The following ARF4 variants were observed in gnomAD, a reference collection of about 807,000 sequenced individuals.
ARF4 encodes ARF GTPase 4.
Under a neutral mutation model 24.3 loss-of-function variants are expected in ARF4, and 5 were observed. That is an observed-to-expected ratio of 0.21 (90% CI 0.11 to 0.43). The LOEUF is 0.43. Among genes scored for constraint, ARF4 ranks in the 20% least tolerant of loss-of-function variants. The pLI, the probability that ARF4 is intolerant of heterozygous loss-of-function variation, is 1.00. For synonymous variants in ARF4, 62 were observed against 73.5 expected (o/e 0.84, Z 0.80); for missense variants, 107 against 213.0 (o/e 0.50, Z 3.10).
At chr3:57,584,493 C>G in intron 1 of ARF4, 29 bp from the exon 2 acceptor site, 1 of 1,569,774 alleles carries the variant, frequency 6.4e-7, no homozygotes, top group Non-Finnish European at 8.7e-7. Context: ...GATTTAAAAT[C>G]CAGACCAAAA....
In ARF4 at chr3:57,597,239, G is replaced by A. The variant is rs1395103515; in HGVS notation, c.-99C>T. ...CCCAGGCAAACTAAACGAGAGGGAA[G>A]AGAAAGAGCGGAGGAAGAAAGAGGG... is the stretch of plus-strand genomic sequence containing the variant. On this transcript the variant is annotated 5_prime_UTR_variant, in exon 1 of 6. Coordinates refer to ENST00000303436, the MANE Select transcript of ARF4 (RefSeq NM_001660.4). The A allele has an allele frequency of 1.7e-6, 2 of 1,185,016 alleles. No homozygotes were observed. Among genetic ancestry groups the A allele is most frequent in the South Asian group, 1.3e-5 (1 of 76,324 alleles). 73.4% of individuals were successfully genotyped at this position (1,185,016 alleles called of 1,614,324 possible).
chr3:57,591,598 CT>C (rs1263358021), intron 1 of ARF4, among the ~76,000 whole-genome samples: 1 of 151,944 alleles, frequency 6.6e-6, no homozygotes, highest in African/African-American at 2.4e-5. Flanking sequence ...TCCTGAGTTG[CT>C]GGGACTACAG....
chr3:57,576,674 T>C (rs1451893984), intron 4 of ARF4, among the ~76,000 whole-genome samples: 1 of 152,134 alleles, frequency 6.6e-6, no homozygotes, highest in Non-Finnish European at 1.5e-5. Flanking sequence ...AAATATTTTA[T>C]GGCTACAAGT....
chr3:57,574,713 A>G (rs2069882014), intron 5 of ARF4, among the ~76,000 whole-genome samples: 1 of 152,088 alleles, frequency 6.6e-6, no homozygotes, highest in African/African-American at 2.4e-5. Flanking sequence ...GGTCTCCTCC[A>G]TAAACTGTTA....
At chr3:57,588,578 G>A (rs940113957) in intron 1 of ARF4, among the ~76,000 whole-genome samples, 3 of 148,238 alleles carry the variant, frequency 2.0e-5, no homozygotes, top group Admixed American at 1.4e-4. Flanking sequence ...TGTGAGTGGG[G>A]CACAGTGGCT....
Position 57,583,288 on chromosome 3 carries a change from T to C in ARF4, c.258+610A>G, listed in dbSNP as rs564983851. On this transcript the variant is annotated intron_variant, in intron 3 of 5. Coordinates refer to ENST00000303436, the MANE Select transcript of ARF4 (RefSeq NM_001660.4). ...AAGAAACACTACTGTACCTGGATTA[T>C]ATCCCCTGATATTCTGATTCAAGTC... Among the ~76,000 whole-genome samples, 13 of 152,330 alleles carry C rather than the reference T, an allele frequency of 8.5e-5. No homozygotes were observed. In the East Asian group the frequency reaches 2.5e-3, roughly 29 times the overall value.
At chr3:57,574,337 A>C (rs1353287065) in intron 5 of ARF4, among the ~76,000 whole-genome samples, 1 of 152,048 alleles carries the variant, frequency 6.6e-6, no homozygotes, top group Non-Finnish European at 1.5e-5. Context: ...AGCCTATGAC[A>C]CTAAGTTTCT....
chr3:57,592,890 G>T (rs1028567812), intron 1 of ARF4, among the ~76,000 whole-genome samples: 1 of 152,066 alleles, frequency 6.6e-6, no homozygotes, highest in African/African-American at 2.4e-5. Flanking sequence ...AATTTTAGAG[G>T]AACAAAAACT....
intron 2 of ARF4, 127 bp downstream of exon 2, chr3:57,584,257 C>T (rs545291448): frequency 1.0e-6 from 1 of 977,488 alleles, no homozygotes; most frequent in Non-Finnish European, 1.6e-6. Flanking sequence ...GCCACCACAC[C>T]CGGCCTGTTT....
rs1425648411 is a variant in ARF4, at chr3:57,583,779, A to G, written c.258+119T>C. 19 of 723,936 alleles carry G rather than the reference A, an allele frequency of 2.6e-5. No individual in the cohort carries two copies. In the East Asian group the frequency reaches 3.8e-4, roughly 14 times the overall value. The allele number at this position is 723,936 out of a possible 1,614,324, so 44.8% of individuals were successfully genotyped here. A position where few individuals can be genotyped will look rare whatever the true frequency, so the allele number is the denominator to read the frequency against. ...TCCACTGAAGAATGTGGAAGTGGTG[A>G]TAAGACAAATGCCAACTCATAGTAA... On this transcript the variant is annotated intron_variant, in intron 3 of 5. Transcript: ENST00000303436.
intron 3 of ARF4, among the ~76,000 whole-genome samples, chr3:57,581,496 A>G (rs1163148354): frequency 2.0e-5 from 3 of 152,182 alleles, no homozygotes; most frequent in Non-Finnish European, 4.4e-5. Flanking sequence ...TTTACTTCAT[A>G]TCTAACTCTT....
intron 1 of ARF4, among the ~76,000 whole-genome samples, chr3:57,595,536 A>T (rs993223628): frequency 2.6e-5 from 4 of 152,384 alleles, no homozygotes; most frequent in African/African-American, 9.6e-5. Flanking sequence ...TGATTCACAA[A>T]GTGTAAGTAC....
At chr3:57,572,809 A>G (rs1024926319) in intron 5 of ARF4, among the ~76,000 whole-genome samples, 2 of 152,218 alleles carry the variant, frequency 1.3e-5, no homozygotes, top group Non-Finnish European at 2.9e-5. Context: ...AAAAGAAATC[A>G]TGGGGAAATT....
intron 1 of ARF4, among the ~76,000 whole-genome samples, chr3:57,591,658 G>GGTTTCACTAT (rs980998798): frequency 3.9e-5 from 6 of 151,936 alleles, no homozygotes; most frequent in Non-Finnish European, 8.8e-5. Flanking sequence ...GTATAGATGG[G>GGTTTCACTAT]GTTTCACTAT....
chr3:57,587,356 T>C (rs1387811859), intron 1 of ARF4, among the ~76,000 whole-genome samples: 7 of 106,034 alleles, frequency 6.6e-5, no homozygotes, highest in African/African-American at 2.5e-4. Context: ...AATCCAAAAA[T>C]ACTGACAAAG....
intron 1 of ARF4, among the ~76,000 whole-genome samples, chr3:57,594,210 G>A (rs557915491): frequency 5.9e-5 from 9 of 152,288 alleles, no homozygotes; most frequent in South Asian, 2.1e-4. Context: ...GGAGACAAGA[G>A]TGAAACTCCA....
chr3:57,583,357 T>C (rs1476924507), intron 3 of ARF4, among the ~76,000 whole-genome samples: 2 of 152,190 alleles, frequency 1.3e-5, no homozygotes, highest in African/African-American at 4.8e-5. Flanking sequence ...AAGGTCCCCA[T>C]GTGATTCTTA....
intron 3 of ARF4, among the ~76,000 whole-genome samples, chr3:57,579,449 G>C (rs904806267): frequency 7.3e-5 from 11 of 151,678 alleles, no homozygotes; most frequent in African/African-American, 2.7e-4. Flanking sequence ...CATTACACCT[G>C]GCTAATTTTT....
intron 3 of ARF4, 35 bp downstream of exon 3, chr3:57,583,863 A>G (rs1323277003): frequency 2.1e-6 from 3 of 1,441,272 alleles, no homozygotes; most frequent in East Asian, 2.3e-5. Context: ...TGAAACCCAC[A>G]AAGAAAAGTT....
Sources: gnomAD v4.1 joint callset for allele counts (sites outside exome capture counted in the v4.1 genomes callset) on GRCh38, gnomAD v4.1.1 for gene constraint, MANE v1.5 for transcripts, NCBI Gene and HGNC (gene_info 2026-07-23, HGNC 2026-07-21) for gene names.